NHSL1: variants seen among roughly 807,000 people sequenced by gnomAD.
The protein encoded by NHSL1 is NHS-like protein 1.
In NHSL1, 48 loss-of-function variants were observed where a neutral mutation model predicts 95.0. The ratio of observed to expected loss-of-function variants is 0.51; its 90% CI spans 0.40 to 0.64. The LOEUF (loss-of-function observed/expected upper bound fraction) is 0.64, where lower values mean the gene tolerates loss of function less well. Among genes scored for constraint, NHSL1 ranks in the 30% least tolerant of loss-of-function variants. The pLI, the probability that NHSL1 is intolerant of heterozygous loss-of-function variation, is 0.00. For missense variants in NHSL1, 1,971 were observed against 2,077.7 expected (o/e 0.95, Z 1.00); for synonymous variants, 783 against 833.9 (o/e 0.94, Z 1.05).
intron 3 of NHSL1, among the ~76,000 whole-genome samples, chr6:138,472,979 A>G (rs1778847090): frequency 6.6e-6 from 1 of 152,242 alleles, no homozygotes; most frequent in Non-Finnish European, 1.5e-5. Flanking sequence ...CCAAAAAAGA[A>G]TATTTGAGAT....
chr6:138,527,125 G>A (rs974350191), intron 1 of NHSL1, among the ~76,000 whole-genome samples: 3 of 152,238 alleles, frequency 2.0e-5, no homozygotes, highest in South Asian at 2.1e-4. Context: ...CCGAGCCGTC[G>A]CTCTTCAGTC....
intron 1 of NHSL1, among the ~76,000 whole-genome samples, chr6:138,605,439 A>G (rs1305607031): frequency 6.6e-6 from 1 of 152,192 alleles, no homozygotes; most frequent in Non-Finnish European, 1.5e-5. Flanking sequence ...ATAAAAATAT[A>G]AACTCTCACA....
intron 1 of NHSL1, among the ~76,000 whole-genome samples, chr6:138,621,511 TGCCCAG>T (rs1784664026): frequency 6.6e-6 from 1 of 152,086 alleles, no homozygotes; most frequent in South Asian, 2.1e-4. Context: ...CTTGCTCTGT[TGCCCAG>T]GCTGGAGTGC....
intron 5 of NHSL1, among the ~76,000 whole-genome samples, chr6:138,437,387 CACATATATAT>C (rs1219862141): frequency 0.011 from 627 of 57,510 alleles, 66 homozygotes; most frequent in African/African-American, 0.039. Context: ...TATATATATA[CACATATATAT>C]ATATATACAC....
rs116575067 is a variant in NHSL1 at position 138,558,190 on chromosome 6, T to A, written c.202+13520A>T. On this transcript the variant is annotated intron_variant, in intron 1 of 6. Transcript: ENST00000427025. ...CAGGCTGGAGTGCAGTGGTGCGGAC[T>A]CGGCTGACTGCAACCTCCGCCTCCT... is the stretch of plus-strand genomic sequence containing the variant. Among the ~76,000 whole-genome samples, 618 of 152,146 alleles carry A rather than the reference T, an allele frequency of 4.1e-3. 5 individuals carry two copies. Among genetic ancestry groups the A allele is most frequent in the African/African-American group, 0.014 (585 of 41,498 alleles).
chr6:138,483,016 T>C (rs996956993), intron 2 of NHSL1, among the ~76,000 whole-genome samples: 3 of 152,224 alleles, frequency 2.0e-5, no homozygotes, highest in African/African-American at 7.2e-5. Context: ...CTTGGATTCC[T>C]AGCAAGTCCT....
chr6:138,551,473 C>A (rs1442626102), intron 1 of NHSL1, among the ~76,000 whole-genome samples: 3 of 152,134 alleles, frequency 2.0e-5, no homozygotes, highest in Non-Finnish European at 1.5e-5. Context: ...CCAGGTTAAG[C>A]CAATTCCCTA....
chr6:138,509,393 C>G (rs1258304296), intron 1 of NHSL1, among the ~76,000 whole-genome samples: 4 of 152,270 alleles, frequency 2.6e-5, no homozygotes, highest in Middle Eastern at 3.4e-3. Flanking sequence ...TCTGAGCTCC[C>G]TCGTATTTTT....
Position 138,571,936 on chromosome 6 carries a change from CA to C in NHSL1, c.-26del, listed in dbSNP as rs80144671. 122 of 1,545,592 alleles carry C rather than the reference CA, an allele frequency of 7.9e-5. No homozygotes were observed. In the East Asian group the frequency reaches 2.9e-3, roughly 37 times the overall value. On this transcript the variant is annotated 5_prime_UTR_variant, in exon 1 of 7. Coordinates refer to the NHSL1 transcript ENST00000427025. ...TCTTCTTTTCAAAATCAACTAGAGACAAAGAACAGCCCAGCAAACAAAACGC... is the reference window on the plus strand; with the variant it reads ...TCTTCTTTTCAAAATCAACTAGAGACAAGAACAGCCCAGCAAACAAAACGC...
chr6:138,611,959 A>T (rs1583448780), intron 1 of NHSL1, among the ~76,000 whole-genome samples: 1 of 151,194 alleles, frequency 6.6e-6, no homozygotes, highest in East Asian at 2.0e-4. Flanking sequence ...AAAATACAAA[A>T]ATTAGCCAGG....
At chr6:138,689,956 T>C (rs1204097580) in intron 1 of NHSL1, among the ~76,000 whole-genome samples, 1 of 152,180 alleles carries the variant, frequency 6.6e-6, no homozygotes, top group Non-Finnish European at 1.5e-5. Context: ...CTCCACACTC[T>C]TCTAAAGGGA....
chr6:138,549,887 G>A (rs1415398040), upstream of NHSL1, among the ~76,000 whole-genome samples: 1 of 152,082 alleles, frequency 6.6e-6, no homozygotes, highest in African/African-American at 2.4e-5. Flanking sequence ...TTAACCTCGA[G>A]CAATGACAAC....
chr6:138,550,911 C>T (rs1438580491), intron 1 of NHSL1, among the ~76,000 whole-genome samples: 1 of 152,140 alleles, frequency 6.6e-6, no homozygotes, highest in Non-Finnish European at 1.5e-5. Flanking sequence ...CTTCTCCATA[C>T]CCATTCACAA....
At chr6:138,672,165 G>A (rs1583475098) in intron 1 of NHSL1, among the ~76,000 whole-genome samples, 1 of 152,098 alleles carries the variant, frequency 6.6e-6, no homozygotes, top group Non-Finnish European at 1.5e-5. Flanking sequence ...CATGCAGTCA[G>A]CTCATTCACC....
chr6:138,473,205 T>G, intron 3 of NHSL1, 101 bp downstream of exon 3: 1 of 1,074,356 alleles, frequency 9.3e-7, no homozygotes, highest in East Asian at 3.1e-5. Context: ...TACTATTGAT[T>G]AAAATACAGG....
At chr6:138,596,104 G>A (rs770109058) in intron 1 of NHSL1, among the ~76,000 whole-genome samples, 2 of 152,172 alleles carry the variant, frequency 1.3e-5, no homozygotes, top group Non-Finnish European at 2.9e-5. Flanking sequence ...GAAAGGTAAT[G>A]GTCTGAATGC....
chr6:138,529,713 G>A (rs771196979), intron 1 of NHSL1, among the ~76,000 whole-genome samples: 2 of 152,148 alleles, frequency 1.3e-5, no homozygotes, highest in African/African-American at 4.8e-5. Context: ...CAGCAACAGC[G>A]TACTGACTCC....
At chr6:138,680,393 A>G (rs1785497815) in intron 1 of NHSL1, among the ~76,000 whole-genome samples, 1 of 152,200 alleles carries the variant, frequency 6.6e-6, no homozygotes, top group Non-Finnish European at 1.5e-5. Context: ...AACAGGACTC[A>G]TGACCAATTG....
intron 1 of NHSL1, among the ~76,000 whole-genome samples, chr6:138,660,504 A>G (rs2114731599): frequency 6.6e-6 from 1 of 152,184 alleles, no homozygotes; most frequent in African/African-American, 2.4e-5. Context: ...TTAATTTAAC[A>G]GCAGTAAAGA....
Sources: gnomAD v4.1 joint callset for allele counts (sites outside exome capture counted in the v4.1 genomes callset) on GRCh38, gnomAD v4.1.1 for gene constraint, MANE v1.5 for transcripts, NCBI Gene and HGNC (gene_info 2026-07-23, HGNC 2026-07-21) for gene names.